MED12L: variants seen among roughly 807,000 people sequenced by gnomAD.
MED12L encodes mediator complex subunit 12L.
MED12L carries 60 observed loss-of-function variants against 281.3 expected under a neutral mutation model. That is an observed-to-expected ratio of 0.21 (90% CI 0.17 to 0.26). MED12L has a LOEUF of 0.26. MED12L is among the 10% of genes least tolerant of loss of function. The pLI, the probability that MED12L is intolerant of heterozygous loss-of-function variation, is 1.00. For synonymous variants in MED12L, 974 were observed against 987.2 expected (o/e 0.99, Z 0.25); for missense variants, 2,146 against 2,680.9 (o/e 0.80, Z 4.41).
chr3:151,236,873 G>A (rs940346525), intron 16 of MED12L, among the ~76,000 whole-genome samples: 2 of 151,956 alleles, frequency 1.3e-5, no homozygotes, highest in African/African-American at 4.8e-5. Context: ...AGTTAATTCA[G>A]TTTCTTGTAT....
rs1219676722 is a variant in MED12L at position 151,434,433 on chromosome 3, A to G, written c.*1629A>G. ...GAAAATATTTCACTCCAGCCTGCCC[A>G]TTTTGTGTTTACTCTGGGCTGGAAA... On this transcript the variant is annotated 3_prime_UTR_variant, in exon 45 of 45. Coordinates refer to ENST00000687756, the MANE Select transcript of MED12L (RefSeq NM_001393769.1). The G allele has an allele frequency of 6.6e-6, 1 of 152,146 alleles. No individual in the cohort carries two copies. Among genetic ancestry groups the G allele is most frequent in the Non-Finnish European group, 1.5e-5 (1 of 68,004 alleles). 9.4% of individuals were successfully genotyped at this position (152,146 alleles called of 1,614,324 possible).
chr3:151,137,160 CA>C (rs1177617265), intron 5 of MED12L, among the ~76,000 whole-genome samples: 17 of 57,018 alleles, frequency 3.0e-4, no homozygotes, highest in Admixed American at 7.4e-4. Flanking sequence ...GACTCCGTCT[CA>C]AAAAAAAAAA....
chr3:151,215,590 G>C (rs1345962988), intron 16 of MED12L, among the ~76,000 whole-genome samples: 1 of 152,192 alleles, frequency 6.6e-6, no homozygotes, highest in Non-Finnish European at 1.5e-5. Flanking sequence ...TAGGAATCCT[G>C]TATATTCTTC....
intron 16 of MED12L, among the ~76,000 whole-genome samples, chr3:151,348,573 C>CTTT (rs542135245): frequency 7.6e-6 from 1 of 132,390 alleles, no homozygotes. Flanking sequence ...CTCCTAGCTT[C>CTTT]TTTTTTTTTT....
At chr3:151,371,404 A>T (rs1756168334) in intron 26 of MED12L, among the ~76,000 whole-genome samples, 1 of 152,204 alleles carries the variant, frequency 6.6e-6, no homozygotes, top group Non-Finnish European at 1.5e-5. Flanking sequence ...TCCTGAAGTG[A>T]TCTATTAAAT....
At chr3:151,115,895 T>TA (rs1283540925) in intron 2 of MED12L, among the ~76,000 whole-genome samples, 2 of 151,244 alleles carry the variant, frequency 1.3e-5, no homozygotes, top group African/African-American at 4.8e-5. Flanking sequence ...CCATCTCTAC[T>TA]AAAAGTACAA....
intron 5 of MED12L, among the ~76,000 whole-genome samples, chr3:151,141,198 T>TTTTTTC (rs1560088043): frequency 6.9e-6 from 1 of 145,878 alleles, no homozygotes; most frequent in African/African-American, 2.6e-5. Flanking sequence ...TTTTTTTTTT[T>TTTTTTC]TTGTTAGTAG....
At chr3:151,341,468 T>G (rs1751811092) in intron 16 of MED12L, among the ~76,000 whole-genome samples, 2 of 152,110 alleles carry the variant, frequency 1.3e-5, no homozygotes, top group African/African-American at 4.8e-5. Flanking sequence ...TAAGGCATCC[T>G]TGTATCACAA....
chr3:151,123,077 C>T (rs1268964260), intron 4 of MED12L, 103 bp downstream of exon 4: 2 of 996,960 alleles, frequency 2.0e-6, no homozygotes, highest in East Asian at 2.6e-5. Context: ...TTTGAGACTG[C>T]AAGCCTATTG....
chr3:151,103,875 C>T (rs1197778253), intron 2 of MED12L, among the ~76,000 whole-genome samples: 1 of 152,196 alleles, frequency 6.6e-6, no homozygotes, highest in South Asian at 2.1e-4. Flanking sequence ...CCTAACCATC[C>T]ATTTTACTTC....
At chr3:151,141,135 G>A (rs1716874890) in intron 5 of MED12L, among the ~76,000 whole-genome samples, 1 of 149,366 alleles carries the variant, frequency 6.7e-6, no homozygotes, top group Non-Finnish European at 1.5e-5. Flanking sequence ...CCACAGTGCT[G>A]GGATTACAGG....
At chr3:151,163,407 A>G (rs1222316033) in intron 8 of MED12L, among the ~76,000 whole-genome samples, 4 of 152,238 alleles carry the variant, frequency 2.6e-5, no homozygotes, top group Non-Finnish European at 1.5e-5. Flanking sequence ...CTTCTTATAG[A>G]AAAAGTTTGA....
intron 16 of MED12L, among the ~76,000 whole-genome samples, chr3:151,315,641 G>A (rs1266850972): frequency 3.3e-5 from 5 of 152,148 alleles, no homozygotes; most frequent in Non-Finnish European, 7.4e-5. Flanking sequence ...TAACTTCATG[G>A]AGACAGTTAA....
intron 16 of MED12L, among the ~76,000 whole-genome samples, chr3:151,223,693 G>A (rs568204126): frequency 3.8e-4 from 58 of 152,212 alleles, no homozygotes; most frequent in Non-Finnish European, 7.5e-4. Context: ...CAAAGACGGG[G>A]AGGTAGGAAG....
intron 16 of MED12L, among the ~76,000 whole-genome samples, chr3:151,206,362 G>A (rs988438705): frequency 1.3e-5 from 2 of 151,848 alleles, no homozygotes; most frequent in Non-Finnish European, 2.9e-5. Context: ...TCAGTTAAAA[G>A]AATGGCTGGG....
At chr3:151,270,440 G>GA (rs1029471077) in intron 16 of MED12L, among the ~76,000 whole-genome samples, 3 of 151,996 alleles carry the variant, frequency 2.0e-5, no homozygotes, top group African/African-American at 7.3e-5. Context: ...ACTCTCTGGG[G>GA]AAAAAAGAAA....
intron 40 of MED12L, among the ~76,000 whole-genome samples, chr3:151,409,797 A>G (rs180940177): frequency 5.1e-4 from 78 of 152,196 alleles, no homozygotes; most frequent in African/African-American, 1.8e-3. Context: ...TCTCTACAAA[A>G]GAAAATAAAA....
intron 16 of MED12L, among the ~76,000 whole-genome samples, chr3:151,335,581 G>C (rs1750872670): frequency 6.6e-6 from 1 of 152,010 alleles, no homozygotes; most frequent in Non-Finnish European, 1.5e-5. Context: ...TTTCACATCT[G>C]GACCTGAGTC....
At chr3:151,125,379 G>T (rs1714355186) in intron 4 of MED12L, among the ~76,000 whole-genome samples, 1 of 152,158 alleles carries the variant, frequency 6.6e-6, no homozygotes, top group Admixed American at 6.5e-5. Flanking sequence ...GTAGAGGTTT[G>T]CATTGTGCTG....
Sources: allele counts gnomAD v4.1 joint callset (sites outside exome capture counted in the v4.1 genomes callset), GRCh38; gene constraint gnomAD v4.1.1; transcripts MANE v1.5; gene names NCBI Gene and HGNC (gene_info 2026-07-23, HGNC 2026-07-21).